Variants in GNPTAB observed in about 807,000 individuals in gnomAD.
The protein encoded by GNPTAB is N-acetylglucosamine-1-phosphate transferase subunits alpha and beta, also known as N-acetylglucosamine-1-phosphotransferase subunits alpha/beta.
Under a neutral mutation model 136.6 loss-of-function variants are expected in GNPTAB, and 92 were observed. The ratio of observed to expected loss-of-function variants is 0.67; its 90% confidence interval spans 0.57 to 0.80. The LOEUF (loss-of-function observed/expected upper bound fraction) is 0.80, where lower values mean the gene tolerates loss of function less well. Among genes scored for constraint, GNPTAB ranks in the 30% least tolerant of loss-of-function variants. GNPTAB has a pLI of 0.00. For missense variants in GNPTAB, 1,343 were observed against 1,501.8 expected (o/e 0.89, Z 1.75); for synonymous variants, 512 against 535.1 (o/e 0.96, Z 0.60).
intron 7 of GNPTAB, among the ~76,000 whole-genome samples, chr12:101,777,371 G>A (rs1953276010): frequency 1.3e-5 from 2 of 152,128 alleles, no homozygotes; most frequent in African/African-American, 4.8e-5. Flanking sequence ...TAACAGAGAC[G>A]TTTCTCAACC....
Position 101,788,657 on chromosome 12 carries a change from G to A in GNPTAB, c.324-68C>T, listed in dbSNP as rs372176580. ...CTATACCTCCCACTGTAACCAAGACGGTTTGCTTAGAGCATAAACTTTCAT... is the reference window on the plus strand; with the variant it reads ...CTATACCTCCCACTGTAACCAAGACAGTTTGCTTAGAGCATAAACTTTCAT... On this transcript the variant is annotated intron_variant, in intron 3 of 20. Coordinates refer to ENST00000299314, the MANE Select transcript of GNPTAB (RefSeq NM_024312.5). The A allele has an allele frequency of 8.9e-5, 75 of 842,180 alleles. No homozygotes were observed. In the African/African-American group the frequency reaches 1.2e-3, roughly 13 times the overall value. The allele number at this position is 842,180 out of a possible 1,614,324, so 52.2% of individuals were successfully genotyped here.
At chr12:101,813,743 T>C (rs535014712) in intron 1 of GNPTAB, among the ~76,000 whole-genome samples, 5 of 152,306 alleles carry the variant, frequency 3.3e-5, no homozygotes, top group African/African-American at 9.6e-5. Flanking sequence ...CTAACACCTG[T>C]AAACTCAGCA....
chr12:101,781,164 G>A (rs933951891), intron 5 of GNPTAB, among the ~76,000 whole-genome samples: 2 of 152,174 alleles, frequency 1.3e-5, no homozygotes, highest in Admixed American at 6.5e-5. Context: ...AGTCACAGTA[G>A]GGATTGGGGG....
intron 19 of GNPTAB, among the ~76,000 whole-genome samples, chr12:101,749,531 G>A (rs983635710): frequency 6.6e-5 from 10 of 152,148 alleles, no homozygotes; most frequent in Admixed American, 3.3e-4. Context: ...TACTTCCTGC[G>A]TATATGGAGA....
chr12:101,827,048 A>C (rs1871123761), intron 1 of GNPTAB, among the ~76,000 whole-genome samples: 1 of 149,676 alleles, frequency 6.7e-6, no homozygotes, highest in Non-Finnish European at 1.5e-5. Flanking sequence ...CCTGGGCTCA[A>C]GCAACACTCC....
chr12:101,764,936 C>T lies in GNPTAB; in HGVS notation c.1981G>A (p.Glu661Lys). The T allele has an allele frequency of 6.2e-7, 1 of 1,613,942 alleles. No homozygotes were observed. Among genetic ancestry groups the T allele is most frequent in the Non-Finnish European group, 8.5e-7 (1 of 1,180,042 alleles). The stretch of plus-strand genomic sequence containing the variant: ...ATATCCTCAAAAAGGATTTCCGCCT[C>T]TGGAAGAAGTGTTATGGGACTAACT... ...NLVSPITLLP[E>K]AEILFEDIPK... The change falls in exon 13 of 21, where the codon GAG becomes AAG. Residue 661 changes from glutamate (E) to lysine (K), a missense_variant. Transcript: ENST00000299314.
At chr12:101,777,513 C>A (rs894868063) in intron 7 of GNPTAB, among the ~76,000 whole-genome samples, 19 of 152,214 alleles carry the variant, frequency 1.2e-4, no homozygotes, top group East Asian at 5.8e-4. Context: ...GTTCCCTCTA[C>A]ATAGAATGGT....
chr12:101,761,061 T>C, intron 15 of GNPTAB, 66 bp downstream of exon 15: 3 of 1,244,148 alleles, frequency 2.4e-6, no homozygotes, highest in African/African-American at 1.5e-5. Flanking sequence ...TGTGAGCCAC[T>C]GCGCCTGACC....
chr12:101,768,472 C>G (rs1295458625), intron 10 of GNPTAB, among the ~76,000 whole-genome samples: 1 of 152,208 alleles, frequency 6.6e-6, no homozygotes, highest in African/African-American at 2.4e-5. Flanking sequence ...AATAAAGTAG[C>G]ACCATGCCAG....
rs113952298 is a variant in GNPTAB at position 101,817,094 on chromosome 12, ATAGT to A, written c.117+13461_117+13464del. On this transcript the variant is annotated intron_variant, in intron 1 of 20. Transcript: ENST00000299314. ...GAGTGATTGGCTAATAGGTACAAAA[ATAGT>A]TAGATAGTCCTGGTGTTCGACAGCA... Among the ~76,000 whole-genome samples the A allele has an allele frequency of 5.7e-3, 871 of 152,196 alleles. 8 individuals are homozygous for A. Among genetic ancestry groups the A allele is most frequent in the African/African-American group, 0.02 (822 of 41,516 alleles).
intron 7 of GNPTAB, among the ~76,000 whole-genome samples, chr12:101,777,537 T>A (rs555338185): frequency 6.6e-6 from 1 of 152,296 alleles, no homozygotes; most frequent in South Asian, 2.1e-4. Flanking sequence ...TTCTGCTCCC[T>A]TCTCTGCTGG....
chr12:101,769,112 T>C (rs1345837798), intron 10 of GNPTAB, among the ~76,000 whole-genome samples: 1 of 152,154 alleles, frequency 6.6e-6, no homozygotes, highest in Non-Finnish European at 1.5e-5. Flanking sequence ...CAGAGTTTTA[T>C]AACTTCTAAG....
At chr12:101,796,287 T>C (rs192054042) in intron 2 of GNPTAB, 182 of 702,524 alleles carry the variant, frequency 2.6e-4, no homozygotes, top group African/African-American at 1.9e-3. Context: ...AATGCAATCA[T>C]GCAATTTAAG....
intron 16 of GNPTAB, 37 bp downstream of exon 16, chr12:101,759,993 C>T: frequency 8.6e-7 from 1 of 1,160,230 alleles, no homozygotes. Context: ...TAAGGATGTA[C>T]TTTCTGTTGT....
chr12:101,822,703 T>G (rs78051234), intron 1 of GNPTAB, among the ~76,000 whole-genome samples: 1 of 152,292 alleles, frequency 6.6e-6, no homozygotes, highest in Non-Finnish European at 1.5e-5. Context: ...CTGTTATGCT[T>G]TAGGACTGAA....
rs757768467 is a variant in GNPTAB at position 101,824,437 on chromosome 12, CTTTTTT to C, written c.117+6116_117+6121del. Among the ~76,000 whole-genome samples the C allele has an allele frequency of 4.4e-3, 206 of 47,002 alleles. 5 individuals are homozygous for C. The highest frequency in any genetic ancestry group is 0.019 in the African/African-American group (195 of 10,264). The allele number at this position is 47,002 out of a possible 152,430, so 30.8% of individuals were successfully genotyped here. On this transcript the variant is annotated intron_variant, in intron 1 of 20. Transcript: ENST00000299314. The stretch of plus-strand genomic sequence containing the variant: ...ATATATATATATATATATATATTTT[CTTTTTT>C]TTTTTTTTTTTTTTGGTTAACCTTT...
At chr12:101,771,914 TAA>T (rs1953182237) in intron 7 of GNPTAB, among the ~76,000 whole-genome samples, 1 of 152,278 alleles carries the variant, frequency 6.6e-6, no homozygotes, top group African/African-American at 2.4e-5. Context: ...GCAATGTAAT[TAA>T]CCTTGCTGGA....
At chr12:101,761,437 T>A in intron 14 of GNPTAB, 91 bp from the exon 15 acceptor site, 1 of 1,432,116 alleles carries the variant, frequency 7.0e-7, no homozygotes, top group Non-Finnish European at 9.8e-7. Context: ...CTTTCTCACT[T>A]AGATAATACC....
chr12:101,745,928 A>C lies in GNPTAB; in HGVS notation c.*1236T>G. On this transcript the variant is annotated 3_prime_UTR_variant, in exon 21 of 21. Coordinates refer to ENST00000299314, the MANE Select transcript of GNPTAB (RefSeq NM_024312.5). The stretch of plus-strand genomic sequence containing the variant: ...CATGCACCTGTAGTCCCAGCTACTC[A>C]GAAGGCTGAGACAGAACTGCTTGAA... The C allele has an allele frequency of 6.6e-6, 1 of 152,368 alleles. No individual in the cohort carries two copies. Among genetic ancestry groups the C allele is most frequent in the East Asian group, 1.9e-4 (1 of 5,200 alleles). The allele number at this position is 152,368 out of a possible 1,614,324, so 9.4% of individuals were successfully genotyped here.
Sources: allele counts gnomAD v4.1 joint callset (sites outside exome capture counted in the v4.1 genomes callset), GRCh38; gene constraint gnomAD v4.1.1; transcripts MANE v1.5; gene names NCBI Gene and HGNC (gene_info 2026-07-23, HGNC 2026-07-21).